MPP7: variants seen among roughly 807,000 people sequenced by gnomAD.
MPP7 encodes the protein MAGUK p55 scaffold protein 7.
Under a neutral mutation model 76.5 loss-of-function variants are expected in MPP7, and 60 were observed. The observed-to-expected ratio is 0.78, with a 90% CI of 0.64 to 0.97. The LOEUF is 0.97. Among genes scored for constraint, MPP7 ranks in the 50% least tolerant of loss-of-function variants. The pLI is 0.00. For missense variants in MPP7, 641 were observed against 694.0 expected, an observed-to-expected ratio of 0.92 and a Z score of 0.86; for synonymous variants, 237 against 244.5, an observed-to-expected ratio of 0.97 and a Z score of 0.29.
chr10:28,334,044 C>A (rs533859509), intron 1 of MPP7, among the ~76,000 whole-genome samples: 1 of 151,700 alleles, frequency 6.6e-6, no homozygotes, highest in African/African-American at 2.4e-5. Flanking sequence ...ACAAAAAATA[C>A]GAAAAAATTA....
At chr10:28,158,652 TTGCTTGGCCTACAAATGA>T (rs1438167201) in intron 3 of MPP7, among the ~76,000 whole-genome samples, 1 of 152,156 alleles carries the variant, frequency 6.6e-6, no homozygotes, top group Non-Finnish European at 1.5e-5. Flanking sequence ...AGGCCGACAG[TTGCTTGGCCTACAAATGA>T]TGCATGAGTT....
At chr10:28,100,322 C>T (rs1180929088) in intron 11 of MPP7, among the ~76,000 whole-genome samples, 1 of 151,850 alleles carries the variant, frequency 6.6e-6, no homozygotes, top group Non-Finnish European at 1.5e-5. Context: ...CTAAATGATG[C>T]TCTCATTATA....
At chr10:28,297,418 G>T (rs1337505324) in intron 1 of MPP7, among the ~76,000 whole-genome samples, 1 of 152,188 alleles carries the variant, frequency 6.6e-6, no homozygotes, top group African/African-American at 2.4e-5. Flanking sequence ...AAACAATAAG[G>T]CCGGGCGCTG....
At chr10:28,293,555 T>C (rs565311457) in intron 1 of MPP7, among the ~76,000 whole-genome samples, 16 of 152,178 alleles carry the variant, frequency 1.1e-4, no homozygotes, top group African/African-American at 3.6e-4. Context: ...TGAATGGGGA[T>C]AGGTGATGAA....
chr10:28,140,862 A>G (rs2133724428), intron 5 of MPP7, among the ~76,000 whole-genome samples: 1 of 152,336 alleles, frequency 6.6e-6, no homozygotes, highest in Admixed American at 6.5e-5. Flanking sequence ...GGGTTGTATT[A>G]AAGTTTTCTG....
intron 1 of MPP7, among the ~76,000 whole-genome samples, chr10:28,295,804 A>C (rs1841024479): frequency 6.6e-6 from 1 of 152,228 alleles, no homozygotes; most frequent in South Asian, 2.1e-4. Context: ...CTAGACCGGG[A>C]GACTTTTCTC....
intron 2 of MPP7, among the ~76,000 whole-genome samples, chr10:28,324,446 C>A (rs145800365): frequency 6.6e-6 from 1 of 152,094 alleles, no homozygotes; most frequent in East Asian, 1.9e-4. Context: ...TATTATGTAC[C>A]ACGAATGGTT....
chr10:28,306,067 G>A (rs1186577101), upstream of MPP7: 1 of 152,074 alleles, frequency 6.6e-6, no homozygotes. Context: ...CTGCTTCTTG[G>A]GATGGCTATC....
intron 3 of MPP7, among the ~76,000 whole-genome samples, chr10:28,176,819 T>C (rs575093057): frequency 4.2e-4 from 59 of 138,930 alleles, no homozygotes; most frequent in African/African-American, 1.3e-3. Flanking sequence ...TAGGTGGGAA[T>C]TGAACAATGA....
In MPP7 at chr10:28,056,732, C is replaced by T. The variant is rs556206663; in HGVS notation, c.1408-109G>A. ...AAAATTATTCTTTAAGGTCAGTAGT[C>T]ATTTCAATATATTATTATTCAATTA... is the stretch of plus-strand genomic sequence containing the variant. On this transcript the variant is annotated intron_variant, in intron 15 of 16. Coordinates refer to ENST00000683449, the MANE Select transcript of MPP7 (RefSeq NM_001318170.2). 1.3e-4 allele frequency: 112 copies of T among 846,860 alleles called. No individual in the cohort carries two copies. In the African/African-American group the frequency reaches 1.9e-3, roughly 15 times the overall value. The allele number at this position is 846,860 out of a possible 1,614,324, so 52.5% of individuals were successfully genotyped here.
chr10:28,172,993 C>T (rs1334478701), intron 3 of MPP7, among the ~76,000 whole-genome samples: 1 of 152,112 alleles, frequency 6.6e-6, no homozygotes, highest in Admixed American at 6.6e-5. Flanking sequence ...CCTATGAATA[C>T]CAAGACTTTC....
intron 5 of MPP7, among the ~76,000 whole-genome samples, chr10:28,142,601 T>C (rs3902060): frequency 0.18 from 27,233 of 151,984 alleles, 3,168 homozygotes; most frequent in East Asian, 0.5. Flanking sequence ...TGTGGTGGCG[T>C]GCACCTGTAG....
At chr10:28,236,152 C>T (rs1049427352) in intron 2 of MPP7, among the ~76,000 whole-genome samples, 2 of 152,118 alleles carry the variant, frequency 1.3e-5, no homozygotes, top group Non-Finnish European at 2.9e-5. Flanking sequence ...GTAGATCATT[C>T]GGTGGTTTAA....
At chr10:28,237,596 AG>A (rs1839119643) in intron 2 of MPP7, among the ~76,000 whole-genome samples, 1 of 152,236 alleles carries the variant, frequency 6.6e-6, no homozygotes. Context: ...ACATAATACA[AG>A]ATAAAACTGA....
intron 5 of MPP7, among the ~76,000 whole-genome samples, chr10:28,140,563 AG>A (rs1835485117): frequency 6.6e-6 from 1 of 152,156 alleles, no homozygotes; most frequent in Admixed American, 6.6e-5. Context: ...TTCTTTTGAG[AG>A]ATTAGATAAT....
intron 2 of MPP7, among the ~76,000 whole-genome samples, chr10:28,212,636 C>T (rs1218434495): frequency 6.6e-6 from 1 of 152,092 alleles, no homozygotes; most frequent in Non-Finnish European, 1.5e-5. Context: ...GAAGAGGAGG[C>T]AGGGGACTGC....
intron 3 of MPP7, among the ~76,000 whole-genome samples, chr10:28,168,717 A>G (rs2997207): frequency 0.48 from 72,899 of 151,810 alleles, 20,431 homozygotes; most frequent in Middle Eastern, 0.73. Context: ...ACGGGGTTTC[A>G]CCATGTTAGC....
At position 28,092,577 on chromosome 10, in the gene MPP7, C is replaced by CT. The variant is rs397969009; in HGVS notation, c.953-2737dup. Among the ~76,000 whole-genome samples, 644 of 121,060 alleles carry CT rather than the reference C, an allele frequency of 5.3e-3. 21 individuals carry two copies. Among genetic ancestry groups the CT allele is most frequent in the Non-Finnish European group, 6.9e-3 (421 of 60,714 alleles). 79.4% of individuals were successfully genotyped at this position (121,060 alleles called of 152,430 possible). A position where few individuals can be genotyped will look rare whatever the true frequency, so the allele number is the denominator to read the frequency against. ...GCTTCATAGAACCCAGAAAAGGGAC[C>CT]TTTTTTTTTTTTTGAGACAGGGACT... On this transcript the variant is annotated intron_variant, in intron 11 of 16. Coordinates refer to ENST00000683449, the MANE Select transcript of MPP7 (RefSeq NM_001318170.2).
intron 5 of MPP7, among the ~76,000 whole-genome samples, chr10:28,134,048 G>A (rs541325197): frequency 2.6e-5 from 4 of 152,174 alleles, no homozygotes; most frequent in Non-Finnish European, 5.9e-5. Flanking sequence ...ATATATATAT[G>A]ATGTTATTTA....
Sources: gnomAD v4.1 joint callset for allele counts (sites outside exome capture counted in the v4.1 genomes callset) on GRCh38, gnomAD v4.1.1 for gene constraint, MANE v1.5 for transcripts, NCBI Gene and HGNC (gene_info 2026-07-23, HGNC 2026-07-21) for gene names.